Variants in CDC42BPA observed in about 807,000 individuals in gnomAD.
CDC42BPA encodes the protein serine/threonine-protein kinase MRCK alpha.
A neutral mutation model predicts 223.5 loss-of-function variants in CDC42BPA; 80 were observed. The observed-to-expected ratio is 0.36, with a 90% CI of 0.30 to 0.43. The LOEUF is 0.43. Among genes scored for constraint, CDC42BPA ranks in the 20% least tolerant of loss-of-function variants. The pLI is 1.00. For synonymous variants in CDC42BPA, 694 were observed against 718.6 expected (o/e 0.97, Z 0.55); for missense variants, 1,743 against 2,099.9 (o/e 0.83, Z 3.32).
chr1:227,181,937 G>T (rs1381804357), intron 5 of CDC42BPA, among the ~76,000 whole-genome samples: 1 of 152,018 alleles, frequency 6.6e-6, no homozygotes, highest in Non-Finnish European at 1.5e-5. Flanking sequence ...CAACACCCAG[G>T]ACACTAGCAT....
At chr1:227,182,739 T>C (rs960572844) in intron 5 of CDC42BPA, 6 of 152,314 alleles carry the variant, frequency 3.9e-5, no homozygotes, top group Admixed American at 2.0e-4. Flanking sequence ...TGTGACAGTG[T>C]TACCAGAGGA....
At chr1:227,112,607 T>C in intron 13 of CDC42BPA, 64 bp downstream of exon 13, 1 of 1,376,750 alleles carries the variant, frequency 7.3e-7, no homozygotes. Context: ...ATTATATTAC[T>C]AGTCTCAAAA....
chr1:227,065,960 C>A (rs1249698949), intron 21 of CDC42BPA, among the ~76,000 whole-genome samples: 2 of 151,994 alleles, frequency 1.3e-5, no homozygotes, highest in East Asian at 1.9e-4. Context: ...AGCAACGAGA[C>A]AGAAAACAAA....
At chr1:227,307,526 G>C (rs934458433) in intron 1 of CDC42BPA, among the ~76,000 whole-genome samples, 1 of 119,238 alleles carries the variant, frequency 8.4e-6, no homozygotes, top group Non-Finnish European at 2.0e-5. Flanking sequence ...AAGTTTAAAT[G>C]GTTTCTACAG....
At chr1:227,062,069 C>T (rs1042709984) in intron 21 of CDC42BPA, among the ~76,000 whole-genome samples, 5 of 152,162 alleles carry the variant, frequency 3.3e-5, no homozygotes, top group African/African-American at 1.2e-4. Context: ...CTGATTAAAC[C>T]TAAGCTCTGT....
At chr1:227,005,416 A>T (rs1395460028) in intron 34 of CDC42BPA, among the ~76,000 whole-genome samples, 1 of 152,246 alleles carries the variant, frequency 6.6e-6, no homozygotes, top group Non-Finnish European at 1.5e-5. Flanking sequence ...GTGACAGTGA[A>T]TTGTAGAATT....
At chr1:227,199,424 G>A (rs921270155) in intron 4 of CDC42BPA, 133 bp downstream of exon 4, 7 of 544,116 alleles carry the variant, frequency 1.3e-5, no homozygotes, top group Non-Finnish European at 1.9e-5. Flanking sequence ...CACATATCAA[G>A]TGAACAACTT....
intron 1 of CDC42BPA, among the ~76,000 whole-genome samples, chr1:227,314,454 AAAC>A (rs1036189049): frequency 2.0e-4 from 31 of 152,246 alleles, no homozygotes; most frequent in Admixed American, 5.2e-4. Context: ...TGTCAAAGAA[AAAC>A]AACATATCTG....
At chr1:227,268,671 T>A (rs1376138702) in intron 1 of CDC42BPA, among the ~76,000 whole-genome samples, 1 of 142,084 alleles carries the variant, frequency 7.0e-6, no homozygotes, top group Non-Finnish European at 1.5e-5. Context: ...TATATACATA[T>A]ATATATATAC....
rs775505552 is a variant in CDC42BPA, at chr1:227,029,075, G to C, written c.4014C>G (p.Thr1338=). 1.2e-6 allele frequency: 2 copies of C among 1,613,868 alleles called. No individual in the cohort carries two copies. Among genetic ancestry groups the C allele is most frequent in the East Asian group, 4.5e-5 (2 of 44,886 alleles). ...YKLSETKGCQ[T]VTSGKVRHGA... The stretch of plus-strand genomic sequence containing the variant: ...CATGGCGCACCTTTCCAGAAGTTAC[G>C]GTTTGACACCCTTTAGTTTCTGACA... Residue 1338 remains threonine, a synonymous_variant, in exon 30 of 37, where the codon ACC becomes ACG. Coordinates refer to ENST00000366766, the MANE Select transcript of CDC42BPA (RefSeq NM_001394014.1).
intron 32 of CDC42BPA, 44 bp from the exon 33 acceptor site, chr1:227,017,094 G>C (rs146224129): frequency 1.3e-6 from 2 of 1,558,658 alleles, no homozygotes; most frequent in Non-Finnish European, 1.7e-6. Flanking sequence ...TCTTTAAACT[G>C]TTAAAATGCT....
chr1:227,201,551 CCT>C (rs1671758047), intron 3 of CDC42BPA, among the ~76,000 whole-genome samples: 1 of 152,050 alleles, frequency 6.6e-6, no homozygotes, highest in Admixed American at 6.6e-5. Flanking sequence ...TAAAAGTCTC[CCT>C]GAGTCATGTT....
intron 2 of CDC42BPA, among the ~76,000 whole-genome samples, chr1:227,230,922 G>A (rs1444857023): frequency 4.8e-5 from 7 of 146,942 alleles, no homozygotes. Context: ...CCGGGTTCAA[G>A]CGATTCCCCT....
At position 227,145,612 on chromosome 1, in the gene CDC42BPA, G is replaced by A. The variant is rs375293896; in HGVS notation, c.1020C>T (p.His340=). Residue 340 remains histidine, a synonymous_variant, in exon 8 of 37, where the codon CAC becomes CAT. Transcript: ENST00000366766. ...CCCAATCAATTCCACTGAAAAATGG[G>A]TGTTTCTTAAAGTCTTCTATTCCAT... ...GQNGIEDFKK[H]PFFSGIDWDN... is the part of the protein sequence containing the mutation. The A allele has an allele frequency of 3.7e-6, 6 of 1,613,708 alleles. No homozygotes were observed. In the Middle Eastern group the frequency reaches 4.9e-4, roughly 133 times the overall value.
intron 34 of CDC42BPA, among the ~76,000 whole-genome samples, chr1:227,009,427 G>C (rs1424850486): frequency 6.6e-6 from 1 of 151,898 alleles, no homozygotes; most frequent in African/African-American, 2.4e-5. Flanking sequence ...TTATTATTTT[G>C]AGACATAGCC....
chr1:227,225,179 T>A (rs1432749019), intron 2 of CDC42BPA, among the ~76,000 whole-genome samples: 1 of 152,162 alleles, frequency 6.6e-6, no homozygotes, highest in Admixed American at 6.5e-5. Context: ...TAAAACTACA[T>A]CAATTTTGTT....
At position 227,264,736 on chromosome 1, in the gene CDC42BPA, ATATTCT is replaced by A; in HGVS notation, c.179-10587_179-10582del. Reference sequence around the variant, plus strand: ...AAATATATGCCAGTCCATTATGTACATATTCTTAATCTTGGCCATGAGGTCTTCCAA... The same window carrying A: ...AAATATATGCCAGTCCATTATGTACATAATCTTGGCCATGAGGTCTTCCAA... On this transcript the variant is annotated intron_variant, in intron 1 of 36. Coordinates refer to ENST00000366766, the MANE Select transcript of CDC42BPA (RefSeq NM_001394014.1). 3.9e-6 allele frequency: 3 copies of A among 773,848 alleles called. No individual in the cohort carries two copies. The South Asian group carries it at 4.4e-5, about 11-fold the overall frequency. 47.9% of individuals were successfully genotyped at this position (773,848 alleles called of 1,614,324 possible). A position where few individuals can be genotyped will look rare whatever the true frequency, so the allele number is the denominator to read the frequency against.
intron 10 of CDC42BPA, among the ~76,000 whole-genome samples, chr1:227,131,665 CT>C (rs1657134910): frequency 6.6e-6 from 1 of 152,120 alleles, no homozygotes; most frequent in African/African-American, 2.4e-5. Context: ...GAAGGGAGGT[CT>C]TACCTTCCAA....
Position 227,193,800 on chromosome 1 carries a change from T to C in CDC42BPA, c.585A>G (p.Leu195=), listed in dbSNP as rs201936989. ...GACTGTTTTACCTGTGTACATAATG[T>C]AGCTGATGAACTGAGTCAATTGCTA... ...MVIAIDSVHQ[L]HYVHRDIKPD... The change falls in exon 5 of 37, where the codon CTA becomes CTG. Residue 195 remains leucine (L), a synonymous_variant. Transcript: ENST00000366766. The C allele has an allele frequency of 4.3e-4, 695 of 1,612,122 alleles. 4 individuals carry two copies. Among genetic ancestry groups the C allele is most frequent in the Middle Eastern group, 1.8e-3 (11 of 6,048 alleles).
Sources: gnomAD v4.1 joint callset for allele counts (sites outside exome capture counted in the v4.1 genomes callset) on GRCh38, gnomAD v4.1.1 for gene constraint, MANE v1.5 for transcripts, NCBI Gene and HGNC (gene_info 2026-07-23, HGNC 2026-07-21) for gene names.